Variants in KIAA0040 observed in about 807,000 individuals in gnomAD.
KIAA0040 encodes uncharacterized protein KIAA0040.
KIAA0040 carries 10 observed loss-of-function variants against 7.2 expected under a neutral mutation model. That is an observed-to-expected ratio of 1.38 (90% CI 0.85 to 2.34). The LOEUF is 2.34. Among genes scored for constraint, KIAA0040 ranks in the 30% most tolerant of loss-of-function variants. KIAA0040 has a pLI of 0.00. For synonymous variants in KIAA0040, 49 were observed against 40.1 expected (o/e 1.22, Z -0.84); for missense variants, 89 against 108.2 (o/e 0.82, Z 0.79).
At chr1:175,163,604 G>C (rs1486987688) in intron 3 of KIAA0040, among the ~76,000 whole-genome samples, 1 of 152,200 alleles carries the variant, frequency 6.6e-6, no homozygotes, top group Non-Finnish European at 1.5e-5. Flanking sequence ...CTCTCTTCTG[G>C]ATTTTCCTTC....
At chr1:175,180,325 A>T (rs1410369482) in intron 1 of KIAA0040, among the ~76,000 whole-genome samples, 1 of 152,236 alleles carries the variant, frequency 6.6e-6, no homozygotes, top group Non-Finnish European at 1.5e-5. Context: ...CTGAATTAAC[A>T]AATGAACATG....
rs996378647 is a variant in KIAA0040 at position 175,166,669 on chromosome 1, T to A, written c.-241A>T. 6.6e-6 allele frequency: 1 copy of A among 152,134 alleles called. No homozygotes were observed. Among genetic ancestry groups the A allele is most frequent in the African/African-American group, 2.4e-5 (1 of 41,404 alleles). The allele number at this position is 152,134 out of a possible 1,614,324, so 9.4% of individuals were successfully genotyped here. A position where few individuals can be genotyped will look rare whatever the true frequency, so the allele number is the denominator to read the frequency against. The stretch of plus-strand genomic sequence containing the variant: ...TCGGCCAGAACTGCTTTCCTGGAGG[T>A]CACGTTCAACGTAGTAAACAATCGC... On this transcript the variant is annotated 5_prime_UTR_variant, in exon 3 of 4. Coordinates refer to ENST00000423313, the MANE Select transcript of KIAA0040 (RefSeq NM_014656.3).
chr1:175,185,537 A>G lies in KIAA0040; in HGVS notation c.-384+7103T>C, dbSNP rs73032698. Among the ~76,000 whole-genome samples the G allele has an allele frequency of 5.4e-3, 820 of 152,346 alleles. 8 individuals carry two copies. Among genetic ancestry groups the G allele is most frequent in the African/African-American group, 0.019 (788 of 41,578 alleles). Reference sequence around the variant, plus strand: ...TCAAATGCATCAAATAAGAGACCAGACAGGAAAAGGTATGCCACTTAATAT... The same window carrying G: ...TCAAATGCATCAAATAAGAGACCAGGCAGGAAAAGGTATGCCACTTAATAT... On this transcript the variant is annotated intron_variant, in intron 1 of 3. Coordinates refer to ENST00000423313, the MANE Select transcript of KIAA0040 (RefSeq NM_014656.3).
Position 175,160,809 on chromosome 1 carries a change from TC to T in KIAA0040, c.204del (p.Lys69ArgfsTer33), listed in dbSNP as rs754204844. 0.44 allele frequency: 642,703 copies of T among 1,444,702 alleles called. 132,107 individuals carry two copies. The highest frequency in any genetic ancestry group is 0.47 in the Non-Finnish European group (511,938 of 1,084,202). The allele number at this position is 1,444,702 out of a possible 1,614,324, so 89.5% of individuals were successfully genotyped here. A position where few individuals can be genotyped will look rare whatever the true frequency, so the allele number is the denominator to read the frequency against. ...RGQQPEKNKK[K>X]KKKKKKKDEE... ...TCATCCTTCTTCTTCTTCTTCTTCT[TC>T]TTCTTCTTGTTCTTCTCTGGCTGCT... On this transcript the variant is annotated frameshift_variant, in exon 4 of 4. Transcript: ENST00000423313. LOFTEE classifies it high-confidence loss of function.
chr1:175,189,701 T>C (rs1677797931), intron 1 of KIAA0040, among the ~76,000 whole-genome samples: 1 of 152,218 alleles, frequency 6.6e-6, no homozygotes, highest in Non-Finnish European at 1.5e-5. Flanking sequence ...AGATTAGAAA[T>C]AACAATAAAA....
chr1:175,160,926 C>T lies in KIAA0040; in HGVS notation c.88G>A (p.Gly30Arg). ...QEGIYNTICL[G>R]VLLGLPLLVI... ...AAGAGTGGCAGGCCCAGGAGGACTC[C>T]CAGGCAGATGGTGTTGTAGATGCCT... Residue 30 changes from glycine to arginine, a missense_variant, in exon 4 of 4, where the codon GGA (glycine) becomes AGA (arginine). Gly to Arg is a moderately radical substitution (Grantham distance 125). Transcript: ENST00000423313. 6.4e-7 allele frequency: 1 copy of T among 1,551,472 alleles called. No homozygotes were observed. The highest frequency in any genetic ancestry group is 8.7e-7 in the Non-Finnish European group (1 of 1,146,940).
At chr1:175,180,144 T>C (rs1677379242) in intron 1 of KIAA0040, among the ~76,000 whole-genome samples, 1 of 152,186 alleles carries the variant, frequency 6.6e-6, no homozygotes, top group South Asian at 2.1e-4. Context: ...TTGACCTCAT[T>C]ACAGGTCAGA....
intron 2 of KIAA0040, among the ~76,000 whole-genome samples, chr1:175,168,216 G>A (rs1364152579): frequency 6.6e-6 from 1 of 152,166 alleles, no homozygotes; most frequent in Non-Finnish European, 1.5e-5. Context: ...TCTAATAGAG[G>A]TAAGTACTGT....
intron 2 of KIAA0040, among the ~76,000 whole-genome samples, chr1:175,168,868 C>G (rs1034117024): frequency 2.0e-5 from 3 of 152,208 alleles, no homozygotes; most frequent in African/African-American, 7.2e-5. Flanking sequence ...TGACTGAGTT[C>G]CAGCCAAGGA....
Position 175,160,337 on chromosome 1 carries a change from G to A in KIAA0040, c.*377C>T, listed in dbSNP as rs527526275. 15 of 209,890 alleles carry A rather than the reference G, an allele frequency of 7.1e-5. No individual in the cohort carries two copies. In the South Asian group the frequency reaches 1.4e-3, roughly 19 times the overall value. The allele number at this position is 209,890 out of a possible 1,614,324, so 13.0% of individuals were successfully genotyped here. A position where few individuals can be genotyped will look rare whatever the true frequency, so the allele number is the denominator to read the frequency against. On this transcript the variant is annotated 3_prime_UTR_variant, in exon 4 of 4. Coordinates refer to ENST00000423313, the MANE Select transcript of KIAA0040 (RefSeq NM_014656.3). ...TGATGAGCAGAATATACTTGCCCAC[G>A]TACCTGCTACCTGAATTTGTGTGTG...
At chr1:175,187,024 T>C (rs59220988) in intron 1 of KIAA0040, among the ~76,000 whole-genome samples, 1,708 of 152,088 alleles carry the variant, frequency 0.011, 35 homozygotes, top group African/African-American at 0.04. Context: ...GAGTGGAAGG[T>C]AGGGAGAGAG....
chr1:175,172,772 C>T (rs1401812690), intron 2 of KIAA0040, among the ~76,000 whole-genome samples: 1 of 152,184 alleles, frequency 6.6e-6, no homozygotes, highest in African/African-American at 2.4e-5. Context: ...AGAAAGTGGA[C>T]TGGCAGTAAG....
At chr1:175,164,820 T>A (rs1348408406) in intron 3 of KIAA0040, among the ~76,000 whole-genome samples, 1 of 131,936 alleles carries the variant, frequency 7.6e-6, no homozygotes, top group African/African-American at 2.9e-5. Flanking sequence ...CTTGCATTAT[T>A]AGCATTTCCA....
intron 3 of KIAA0040, among the ~76,000 whole-genome samples, chr1:175,164,483 T>C (rs1242795012): frequency 6.6e-6 from 1 of 152,220 alleles, no homozygotes; most frequent in Non-Finnish European, 1.5e-5. Flanking sequence ...TATATGTTTA[T>C]CTCAACATCT....
rs1215726554 is a variant in KIAA0040 at position 175,158,926 on chromosome 1, G to A, written c.*1788C>T. On this transcript the variant is annotated 3_prime_UTR_variant, in exon 4 of 4. Coordinates refer to ENST00000423313, the MANE Select transcript of KIAA0040 (RefSeq NM_014656.3). ...CCTAAAGTACACCTGGAGGGCAGGT[G>A]AGTACCAAGCAGCCCAAGTGAGCAA... The A allele has an allele frequency of 6.6e-6, 1 of 152,220 alleles. No homozygotes were observed. Among genetic ancestry groups the A allele is most frequent in the Non-Finnish European group, 1.5e-5 (1 of 68,052 alleles). 9.4% of individuals were successfully genotyped at this position (152,220 alleles called of 1,614,324 possible). A position where few individuals can be genotyped will look rare whatever the true frequency, so the allele number is the denominator to read the frequency against.
In KIAA0040 at chr1:175,158,955, G is replaced by A. The variant is rs960904833; in HGVS notation, c.*1759C>T. ...ACCAAGCAGCCCAAGTGAGCAAATA[G>A]AATATATCTTTCCTTTAATGCAATC... On this transcript the variant is annotated 3_prime_UTR_variant, in exon 4 of 4. Transcript: ENST00000423313. 1 of 152,152 alleles carries A rather than the reference G, an allele frequency of 6.6e-6. No individual in the cohort carries two copies. The highest frequency in any genetic ancestry group is 1.5e-5 in the Non-Finnish European group (1 of 68,034). 9.4% of individuals were successfully genotyped at this position (152,152 alleles called of 1,614,324 possible).
At chr1:175,167,317 T>C (rs548685296) in intron 2 of KIAA0040, among the ~76,000 whole-genome samples, 2 of 147,210 alleles carry the variant, frequency 1.4e-5, no homozygotes, top group East Asian at 2.1e-4. Context: ...ATTTAAAGAA[T>C]GAGTTCAATT....
chr1:175,171,306 CT>C (rs1381663417), intron 2 of KIAA0040, among the ~76,000 whole-genome samples: 2 of 152,196 alleles, frequency 1.3e-5, no homozygotes, highest in East Asian at 3.8e-4. Flanking sequence ...TGGTTTCCAC[CT>C]TTACTGCCTG....
At chr1:175,173,053 CA>C (rs762394707) in intron 2 of KIAA0040, among the ~76,000 whole-genome samples, 145 of 152,156 alleles carry the variant, frequency 9.5e-4, no homozygotes, top group Non-Finnish European at 1.8e-3. Context: ...CCTAGTGAAT[CA>C]GGGCAGCCAC....
Sources: gnomAD v4.1 joint callset for allele counts (sites outside exome capture counted in the v4.1 genomes callset) on GRCh38, gnomAD v4.1.1 for gene constraint, MANE v1.5 for transcripts, NCBI Gene and HGNC (gene_info 2026-07-23, HGNC 2026-07-21) for gene names.